The following SLC17A8 variants were observed in gnomAD, a reference collection of about 807,000 sequenced individuals.
SLC17A8 encodes the protein vesicular glutamate transporter 3.
SLC17A8 carries 31 observed loss-of-function variants against 58.0 expected under a neutral mutation model. That is an observed-to-expected ratio of 0.53 (90% CI 0.40 to 0.72). SLC17A8 has a LOEUF of 0.72. Ranked by LOEUF, SLC17A8 falls within the 30% of genes least tolerant of loss-of-function variation. The pLI, the probability that SLC17A8 is intolerant of heterozygous loss-of-function variation, is 0.00. For missense variants in SLC17A8, 655 were observed against 727.8 expected (o/e 0.90, Z 1.15); for synonymous variants, 228 against 249.0 (o/e 0.92, Z 0.79).
intron 4 of SLC17A8, among the ~76,000 whole-genome samples, chr12:100,395,235 C>A (rs1416984982): frequency 6.6e-6 from 1 of 151,966 alleles, no homozygotes; most frequent in Non-Finnish European, 1.5e-5. Context: ...TACTGTGAGT[C>A]AAAATAGCTC....
At chr12:100,411,174 G>T (rs978146041) in intron 9 of SLC17A8, among the ~76,000 whole-genome samples, 1 of 152,080 alleles carries the variant, frequency 6.6e-6, no homozygotes, top group Admixed American at 6.6e-5. Flanking sequence ...AAAAAATAGG[G>T]GAAGAGGCCA....
chr12:100,371,477 T>C (rs954026117), intron 1 of SLC17A8, among the ~76,000 whole-genome samples: 1 of 152,216 alleles, frequency 6.6e-6, no homozygotes, highest in African/African-American at 2.4e-5. Flanking sequence ...ATAGGCTGGA[T>C]AGCAAATCTC....
intron 9 of SLC17A8, among the ~76,000 whole-genome samples, chr12:100,410,373 T>G (rs1952858168): frequency 1.3e-5 from 2 of 151,934 alleles, no homozygotes; most frequent in South Asian, 2.1e-4. Flanking sequence ...TGGGTGCCTA[T>G]AGTCCCAGCT....
At chr12:100,415,547 C>T (rs538441720) in intron 10 of SLC17A8, among the ~76,000 whole-genome samples, 23 of 152,246 alleles carry the variant, frequency 1.5e-4, no homozygotes, top group Non-Finnish European at 2.6e-4. Flanking sequence ...ATTCTCCTGC[C>T]TCAGCCTCCT....
At chr12:100,365,144 C>A (rs1337632638) in intron 1 of SLC17A8, among the ~76,000 whole-genome samples, 2 of 152,196 alleles carry the variant, frequency 1.3e-5, no homozygotes, top group Admixed American at 1.3e-4. Context: ...GACAGTTGGA[C>A]TTCTCAGGTC....
At chr12:100,419,049 A>G (rs553033830) in intron 11 of SLC17A8, among the ~76,000 whole-genome samples, 1 of 152,194 alleles carries the variant, frequency 6.6e-6, no homozygotes, top group Non-Finnish European at 1.5e-5. Context: ...AAAATATTAT[A>G]AAGTTCTTGT....
chr12:100,402,371 G>T lies in SLC17A8; in HGVS notation c.795G>T (p.Trp265Cys), dbSNP rs763300852. ...TTGGGATTATTTGGTACATGTTTTGGCTGTTGCAGGCCTATGAGTGCCCAG... is the reference window on the plus strand; with the variant it reads ...TTGGGATTATTTGGTACATGTTTTGTCTGTTGCAGGCCTATGAGTGCCCAG... Reference protein sequence around the residue: ...GMFGIIWYMFWLLQAYECPAA... With the variant: ...GMFGIIWYMFCLLQAYECPAA... The change falls in exon 7 of 12, where the codon TGG becomes TGT. Residue 265 changes from tryptophan to cysteine, a missense_variant. Trp to Cys is a radical substitution (Grantham distance 215, BLOSUM62 -2). Transcript: ENST00000323346. 2.9e-5 allele frequency: 46 copies of T among 1,613,906 alleles called. No homozygotes were observed. The highest frequency in any genetic ancestry group is 3.9e-5 in the Non-Finnish European group (46 of 1,180,026).
chr12:100,403,426 A>G (rs1000567129), intron 8 of SLC17A8, among the ~76,000 whole-genome samples: 1 of 151,814 alleles, frequency 6.6e-6, no homozygotes, highest in African/African-American at 2.4e-5. Context: ...GCGAGATTGC[A>G]CCACTGCACT....
intron 3 of SLC17A8, among the ~76,000 whole-genome samples, chr12:100,392,480 A>G (rs1430707637): frequency 3.3e-5 from 5 of 152,218 alleles, no homozygotes; most frequent in African/African-American, 1.2e-4. Context: ...CATAAGATCT[A>G]AATAGGAATA....
At position 100,357,448 on chromosome 12, in the gene SLC17A8, A is replaced by C; in HGVS notation, c.57A>C (p.Glu19Asp). The C allele has an allele frequency of 6.2e-7, 1 of 1,614,042 alleles. No homozygotes were observed. Among genetic ancestry groups the C allele is most frequent in the Non-Finnish European group, 8.5e-7 (1 of 1,179,876 alleles). Reference sequence around the variant, plus strand: ...AAAAAATTCTGAAACCTGGGAAGGAAGGAGTGAAGAACGCCGTGGGAGATT... The same window carrying C: ...AAAAAATTCTGAAACCTGGGAAGGACGGAGTGAAGAACGCCGTGGGAGATT... ...FKEKILKPGK[E>D]GVKNAVGDSL... The change falls in exon 1 of 12, where the codon GAA becomes GAC. Residue 19 changes from glutamate to aspartate, a missense_variant. Physicochemically the swap from Glu to Asp is conservative, Grantham distance 45. Transcript: ENST00000323346.
intron 1 of SLC17A8, among the ~76,000 whole-genome samples, chr12:100,376,497 A>T (rs1249197407): frequency 6.6e-6 from 1 of 152,216 alleles, no homozygotes; most frequent in Non-Finnish European, 1.5e-5. Flanking sequence ...GAACCTAGAC[A>T]GCAAAGGAGA....
At position 100,420,258 on chromosome 12, in the gene SLC17A8, T is replaced by A. The variant is rs558497346; in HGVS notation, c.*99T>A. ...CCCAGCTTGCCAGAGGTCCAAATAT[T>A]GGGAGGGGAGAAGATCTAACCAGCA... On this transcript the variant is annotated 3_prime_UTR_variant, in exon 12 of 12. Coordinates refer to ENST00000323346, the MANE Select transcript of SLC17A8 (RefSeq NM_139319.3). The A allele has an allele frequency of 9.8e-6, 9 of 914,866 alleles. No homozygotes were observed. In the East Asian group the frequency reaches 2.4e-4, roughly 24 times the overall value. The allele number at this position is 914,866 out of a possible 1,614,324, so 56.7% of individuals were successfully genotyped here.
At chr12:100,387,450 G>A (rs1016400450) in intron 2 of SLC17A8, among the ~76,000 whole-genome samples, 1 of 152,134 alleles carries the variant, frequency 6.6e-6, no homozygotes, top group Admixed American at 6.5e-5. Context: ...GTTTTAATGG[G>A]TCTCAAATGA....
chr12:100,399,845 G>C (rs1214555974), intron 5 of SLC17A8, among the ~76,000 whole-genome samples: 1 of 152,114 alleles, frequency 6.6e-6, no homozygotes, highest in Non-Finnish European at 1.5e-5. Flanking sequence ...GGAATTATTA[G>C]GTGCTTTTGA....
At chr12:100,419,418 C>T (rs1952930895) in intron 11 of SLC17A8, among the ~76,000 whole-genome samples, 1 of 151,820 alleles carries the variant, frequency 6.6e-6, no homozygotes, top group Non-Finnish European at 1.5e-5. Context: ...CCTGTAGTCC[C>T]AGCTACTCAG....
Position 100,391,106 on chromosome 12 carries a change from T to C in SLC17A8, c.460T>C (p.Phe154Leu). ...QIPGGFISNK[F>L]AANRVFGAAI... The stretch of plus-strand genomic sequence containing the variant: ...TCCAGGTGGTTTCATTTCAAACAAG[T>C]TTGCTGCTAACAGGTAAGATAAATT... The change falls in exon 3 of 12, where the codon TTT (phenylalanine) becomes CTT (leucine). Residue 154 changes from phenylalanine to leucine, a missense_variant. By Grantham distance (22) the Phe-to-Leu change is conservative (BLOSUM62 0). Transcript: ENST00000323346. 1 of 1,608,374 alleles carries C rather than the reference T, an allele frequency of 6.2e-7. No individual in the cohort carries two copies. The highest frequency in any genetic ancestry group is 8.5e-7 in the Non-Finnish European group (1 of 1,174,984).
At chr12:100,394,014 C>T (rs1002758033) in intron 4 of SLC17A8, among the ~76,000 whole-genome samples, 1 of 152,180 alleles carries the variant, frequency 6.6e-6, no homozygotes, top group East Asian at 1.9e-4. Flanking sequence ...ATGGGCATGG[C>T]TACGTTCCAA....
intron 5 of SLC17A8, among the ~76,000 whole-genome samples, chr12:100,401,147 G>A (rs1250111542): frequency 2.6e-5 from 4 of 151,608 alleles, no homozygotes; most frequent in South Asian, 2.1e-4. Context: ...ACAGGCACGC[G>A]CCACCATGCC....
At chr12:100,416,230 A>G (rs1952905687) in intron 10 of SLC17A8, among the ~76,000 whole-genome samples, 1 of 152,224 alleles carries the variant, frequency 6.6e-6, no homozygotes, top group African/African-American at 2.4e-5. Context: ...GGCTTTTCCC[A>G]CATTATCTTT....
Sources: allele counts gnomAD v4.1 joint callset (sites outside exome capture counted in the v4.1 genomes callset), GRCh38; gene constraint gnomAD v4.1.1; transcripts MANE v1.5; gene names NCBI Gene and HGNC (gene_info 2026-07-23, HGNC 2026-07-21).